TENM3: variants seen among roughly 807,000 people sequenced by gnomAD.
TENM3 encodes teneurin-3.
Under a neutral mutation model 255.1 loss-of-function variants are expected in TENM3, and 63 were observed. That is an observed-to-expected ratio of 0.25 (90% CI 0.20 to 0.30). The LOEUF (loss-of-function observed/expected upper bound fraction) is 0.30, where lower values mean the gene tolerates loss of function less well. Ranked by LOEUF, TENM3 falls within the 10% of genes least tolerant of loss-of-function variation. The pLI is 1.00. For synonymous variants in TENM3, 1,306 were observed against 1,322.3 expected (o/e 0.99, Z 0.27); for missense variants, 2,929 against 3,461.1 (o/e 0.85, Z 3.86).
At chr4:182,393,520 A>T (rs560204357) in intron 3 of TENM3, among the ~76,000 whole-genome samples, 137 of 152,332 alleles carry the variant, frequency 9.0e-4, no homozygotes, top group Non-Finnish European at 1.5e-3. Context: ...AATTTATTTA[A>T]TATATATGTG....
At chr4:181,630,124 T>C in the TENM3 span, among the ~76,000 whole-genome samples, 1 of 152,230 alleles carries the variant, frequency 6.6e-6, no homozygotes, top group Non-Finnish European at 1.5e-5. Context: ...TTCATTTGCA[T>C]AGAGGTGTTT....
chr4:182,468,864 GTGTGTGTA>G (rs1732851048), intron 3 of TENM3, among the ~76,000 whole-genome samples: 1 of 130,996 alleles, frequency 7.6e-6, no homozygotes, highest in Non-Finnish European at 1.7e-5. Context: ...GTGTGTGTGT[GTGTGTGTA>G]TGTGCATGTT....
the TENM3 span, among the ~76,000 whole-genome samples, chr4:181,856,924 T>C: frequency 6.6e-6 from 1 of 152,170 alleles, no homozygotes; most frequent in South Asian, 2.1e-4. Context: ...GCTTATTCTG[T>C]CACTTACTTG....
At chr4:182,381,590 T>C (rs907409763) in intron 3 of TENM3, among the ~76,000 whole-genome samples, 1 of 131,112 alleles carries the variant, frequency 7.6e-6, no homozygotes, top group Non-Finnish European at 1.6e-5. Context: ...AGTTTTGCTC[T>C]TGTTGCCCAG....
chr4:182,725,769 G>A (rs927479255), intron 13 of TENM3, among the ~76,000 whole-genome samples: 3 of 151,620 alleles, frequency 2.0e-5, no homozygotes, highest in Non-Finnish European at 4.4e-5. Context: ...CCAAGTAGCT[G>A]AGATTACAGG....
chr4:181,954,643 A>G, the TENM3 span, among the ~76,000 whole-genome samples: 2 of 152,126 alleles, frequency 1.3e-5, no homozygotes, highest in South Asian at 2.1e-4. Context: ...CTTCGGTTAT[A>G]TATTCTGATT....
At chr4:181,684,102 GC>G in the TENM3 span, among the ~76,000 whole-genome samples, 2 of 152,298 alleles carry the variant, frequency 1.3e-5, no homozygotes, top group East Asian at 3.9e-4. Context: ...GGACTGCTTT[GC>G]TTTGCTTAGC....
At chr4:182,465,611 G>A (rs1351840005) in intron 3 of TENM3, among the ~76,000 whole-genome samples, 1 of 151,970 alleles carries the variant, frequency 6.6e-6, no homozygotes, top group Non-Finnish European at 1.5e-5. Context: ...CAAAGTCTTA[G>A]GGAATTAGAA....
the TENM3 span, among the ~76,000 whole-genome samples, chr4:182,075,387 A>T: frequency 6.6e-6 from 1 of 151,718 alleles, no homozygotes; most frequent in Non-Finnish European, 1.5e-5. Context: ...TTCAGTAGAG[A>T]CGGGGTTTCA....
intron 1 of TENM3, among the ~76,000 whole-genome samples, chr4:182,155,299 GA>G (rs1175201025): frequency 2.6e-5 from 4 of 152,034 alleles, no homozygotes; most frequent in Non-Finnish European, 5.9e-5. Context: ...CAAAGTGAGG[GA>G]ATACAGTTAA....
chr4:182,341,719 T>C (rs1764499415), intron 2 of TENM3, among the ~76,000 whole-genome samples: 1 of 152,168 alleles, frequency 6.6e-6, no homozygotes, highest in South Asian at 2.1e-4. Context: ...GTTCCAAAGG[T>C]AGATTTCCTA....
the TENM3 span, among the ~76,000 whole-genome samples, chr4:182,025,220 G>A: frequency 6.6e-6 from 1 of 151,968 alleles, no homozygotes; most frequent in South Asian, 2.1e-4. Context: ...AGTAGAGATG[G>A]GGTTTCACTG....
chr4:182,120,591 G>T, the TENM3 span, among the ~76,000 whole-genome samples: 1 of 152,086 alleles, frequency 6.6e-6, no homozygotes, highest in Non-Finnish European at 1.5e-5. Context: ...GACAAAGCAG[G>T]GTATGTGGGA....
At chr4:182,218,464 G>A (rs1755643492) in intron 1 of TENM3, among the ~76,000 whole-genome samples, 1 of 152,104 alleles carries the variant, frequency 6.6e-6, no homozygotes, top group Non-Finnish European at 1.5e-5. Flanking sequence ...CATTTAAGCT[G>A]CCTGATGACC....
the TENM3 span, among the ~76,000 whole-genome samples, chr4:181,626,817 G>C: frequency 6.6e-6 from 1 of 152,300 alleles, no homozygotes; most frequent in East Asian, 1.9e-4. Context: ...AGATTTGAAC[G>C]AGAAAGTGAC....
chr4:182,009,699 T>C, the TENM3 span, among the ~76,000 whole-genome samples: 1 of 152,262 alleles, frequency 6.6e-6, no homozygotes, highest in Admixed American at 6.5e-5. Context: ...GGAGCTTAAA[T>C]GGCTTAGACC....
the TENM3 span, among the ~76,000 whole-genome samples, chr4:182,023,552 A>G: frequency 1.3e-5 from 2 of 152,170 alleles, no homozygotes; most frequent in African/African-American, 4.8e-5. Flanking sequence ...GGAATTTCTG[A>G]CCGACCCCTC....
chr4:182,254,462 G>A (rs1758241791), intron 1 of TENM3, among the ~76,000 whole-genome samples: 1 of 152,216 alleles, frequency 6.6e-6, no homozygotes, highest in African/African-American at 2.4e-5. Context: ...AATGAATTGG[G>A]AAGTCATTCT....
Position 182,528,440 on chromosome 4 carries a change from T to C in TENM3, c.512-72484T>C, listed in dbSNP as rs190368576. On this transcript the variant is annotated intron_variant, in intron 3 of 27. Transcript: ENST00000511685. ...AGGAAGATATACAAATACTGTATTA[T>C]AAAACATTTAATGAAATTACAGAAT... Among the ~76,000 whole-genome samples, 51 of 152,336 alleles carry C rather than the reference T, an allele frequency of 3.3e-4. No homozygotes were observed. In the East Asian group the frequency reaches 8.9e-3, roughly 27 times the overall value.
Sources: gnomAD v4.1 joint callset for allele counts (sites outside exome capture counted in the v4.1 genomes callset) on GRCh38, gnomAD v4.1.1 for gene constraint, MANE v1.5 for transcripts, NCBI Gene and HGNC (gene_info 2026-07-23, HGNC 2026-07-21) for gene names.